TRIM71: variants seen among roughly 807,000 people sequenced by gnomAD.
TRIM71 encodes the protein tripartite motif containing 71.
TRIM71 carries 9 observed loss-of-function variants against 61.2 expected under a neutral mutation model. The ratio of observed to expected loss-of-function variants is 0.15; its 90% CI spans 0.09 to 0.26. TRIM71 has a LOEUF of 0.26. TRIM71 is among the 10% of genes least tolerant of loss of function. The pLI is 1.00. For missense variants in TRIM71, 998 were observed against 1,238.7 expected (o/e 0.81, Z 2.92); for synonymous variants, 645 against 553.2 (o/e 1.17, Z -2.33).
At chr3:32,869,912 G>A (rs114106111) in intron 1 of TRIM71, among the ~76,000 whole-genome samples, 3,816 of 152,298 alleles carry the variant, frequency 0.025, 174 homozygotes, top group African/African-American at 0.086. Flanking sequence ...TGCCCGGGAA[G>A]CCCCAAACAG....
chr3:32,851,821 G>C (rs1312951648), intron 1 of TRIM71, among the ~76,000 whole-genome samples: 2 of 152,204 alleles, frequency 1.3e-5, no homozygotes, highest in Non-Finnish European at 2.9e-5. Context: ...TCTACTGTGT[G>C]ACATTAATCT....
chr3:32,842,236 T>C (rs906911516), intron 1 of TRIM71, among the ~76,000 whole-genome samples: 12 of 152,210 alleles, frequency 7.9e-5, no homozygotes, highest in African/African-American at 2.9e-4. Context: ...GGCATAATTA[T>C]TTATTGTTGG....
intron 1 of TRIM71, 74 bp downstream of exon 1, chr3:32,819,006 C>T: frequency 3.9e-6 from 6 of 1,533,802 alleles, no homozygotes; most frequent in Non-Finnish European, 4.4e-6. Flanking sequence ...CCCGGCCGGT[C>T]CCACAGCGAG....
At chr3:32,844,099 C>G (rs1293237589) in intron 1 of TRIM71, among the ~76,000 whole-genome samples, 1 of 152,136 alleles carries the variant, frequency 6.6e-6, no homozygotes, top group Non-Finnish European at 1.5e-5. Context: ...TTTCTCGCGT[C>G]GTCGTTATTT....
At chr3:32,823,639 T>C (rs1468060370) in intron 1 of TRIM71, among the ~76,000 whole-genome samples, 2 of 147,730 alleles carry the variant, frequency 1.4e-5, no homozygotes, top group Non-Finnish European at 3.0e-5. Context: ...TTGACATTGT[T>C]TTCAAAGTGA....
chr3:32,860,180 T>C (rs1696651600), intron 1 of TRIM71, among the ~76,000 whole-genome samples: 1 of 139,694 alleles, frequency 7.2e-6, no homozygotes, highest in Non-Finnish European at 1.6e-5. Context: ...CCCTCTCTGA[T>C]GGAATTTCAC....
intron 2 of TRIM71, 63 bp from the exon 3 acceptor site, chr3:32,885,871 T>G: frequency 6.4e-7 from 1 of 1,555,358 alleles, no homozygotes; most frequent in Admixed American, 1.9e-5. Context: ...CAGATTCAAA[T>G]GTTTTGTATA....
At chr3:32,879,807 T>C (rs1575358397) in intron 2 of TRIM71, among the ~76,000 whole-genome samples, 1 of 151,792 alleles carries the variant, frequency 6.6e-6, no homozygotes, top group Non-Finnish European at 1.5e-5. Context: ...ATCTTGTCTC[T>C]ACAAAAAATG....
chr3:32,854,004 CAA>C (rs571008559), intron 1 of TRIM71, among the ~76,000 whole-genome samples: 7 of 134,094 alleles, frequency 5.2e-5, no homozygotes, highest in African/African-American at 8.2e-5. Flanking sequence ...ACTCCCATCT[CAA>C]AAAAAAAAAA....
chr3:32,886,628 AAGG>A (rs1307904163), intron 3 of TRIM71, among the ~76,000 whole-genome samples: 12 of 152,208 alleles, frequency 7.9e-5, no homozygotes, highest in Admixed American at 6.5e-4. Flanking sequence ...CCCACTCAGA[AAGG>A]AGGAGAGTTA....
chr3:32,823,908 C>T (rs1459177773), intron 1 of TRIM71, among the ~76,000 whole-genome samples: 2 of 152,060 alleles, frequency 1.3e-5, no homozygotes, highest in Admixed American at 6.5e-5. Context: ...CCTGTCTCTA[C>T]TAAAAATACA....
Position 32,818,174 on chromosome 3 carries a change from T to A in TRIM71, c.94T>A (p.Ser32Thr). 5 of 1,601,216 alleles carry A rather than the reference T, an allele frequency of 3.1e-6. No homozygotes were observed. The highest frequency in any genetic ancestry group is 4.3e-6 in the Non-Finnish European group (5 of 1,174,840). The change falls in exon 1 of 4, where the codon TCG (serine) becomes ACG (threonine). Residue 32 changes from serine to threonine, a missense_variant. Physicochemically the swap from Ser to Thr is moderately conservative, Grantham distance 58. This residue lies in a region of TRIM71 where 527 missense variants were observed against 427.8 expected (regional missense o/e 1.23). Coordinates refer to ENST00000383763, the MANE Select transcript of TRIM71 (RefSeq NM_001039111.3). ...PAPLSSNSSA[S>T]SSSSQTSTSS... Reference sequence around the variant, plus strand: ...GCCGCTCTCCTCCAACTCGTCCGCGTCGTCGTCCTCCTCGCAGACGTCCAC... The same window carrying A: ...GCCGCTCTCCTCCAACTCGTCCGCGACGTCGTCCTCCTCGCAGACGTCCAC...
intron 1 of TRIM71, among the ~76,000 whole-genome samples, chr3:32,868,688 T>A (rs1320341967): frequency 3.9e-3 from 574 of 148,994 alleles, no homozygotes; most frequent in Middle Eastern, 0.014. Context: ...ACATTAGGGT[T>A]TTTTTTTTTT....
rs368564609 is a variant in TRIM71 at position 32,893,499 on chromosome 3, TAAG to T, written c.*1691_*1693del. On this transcript the variant is annotated 3_prime_UTR_variant, in exon 4 of 4. Transcript: ENST00000383763. Reference sequence around the variant, plus strand: ...TCCTGCAATGCCCCAAATACTGAAATAAGAACCAAATTCTGGAGGAGCCCTCCT... The same window carrying T: ...TCCTGCAATGCCCCAAATACTGAAATAACCAAATTCTGGAGGAGCCCTCCT... 53 of 152,188 alleles carry T rather than the reference TAAG, an allele frequency of 3.5e-4. No homozygotes were observed. Among genetic ancestry groups the T allele is most frequent in the African/African-American group, 1.3e-3 (52 of 41,512 alleles). The allele number at this position is 152,188 out of a possible 1,614,324, so 9.4% of individuals were successfully genotyped here.
At position 32,840,948 on chromosome 3, in the gene TRIM71, C is replaced by T. The variant is rs1048697844; in HGVS notation, c.852+22016C>T. Among the ~76,000 whole-genome samples, 11 of 152,268 alleles carry T rather than the reference C, an allele frequency of 7.2e-5. No individual in the cohort carries two copies. In the South Asian group the frequency reaches 1.0e-3, roughly 14 times the overall value. On this transcript the variant is annotated intron_variant, in intron 1 of 3. Transcript: ENST00000383763. ...CACAAACTAAAGATTCTATCCCTTC[C>T]TCATTTAAAAAAGCCTGGCTGGGCG...
chr3:32,854,285 C>T (rs577890816), intron 1 of TRIM71, among the ~76,000 whole-genome samples: 3 of 152,336 alleles, frequency 2.0e-5, no homozygotes, highest in African/African-American at 4.8e-5. Flanking sequence ...TAAGCCACTG[C>T]GTGCCTGGCC....
chr3:32,889,464 T>G (rs1005115313), intron 3 of TRIM71, among the ~76,000 whole-genome samples: 2 of 150,976 alleles, frequency 1.3e-5, no homozygotes, highest in African/African-American at 4.9e-5. Flanking sequence ...TTTTTAACTT[T>G]TATTTTTTTT....
chr3:32,831,536 C>CTTTTTTTTTTT (rs71068093), intron 1 of TRIM71, among the ~76,000 whole-genome samples: 1 of 96,700 alleles, frequency 1.0e-5, no homozygotes, highest in Non-Finnish European at 2.1e-5. Context: ...GCTTATCTTC[C>CTTTTTTTTTTT]TTTTTTTTTT....
In TRIM71 at chr3:32,890,803, C is replaced by T. The variant is rs187595665; in HGVS notation, c.1599C>T (p.Gly533=). ...CGGCTGTGGTCCTGGGCCCTGATGG[C>T]AACCTGTTTGGTGCAGAGGTGAGTG... is the stretch of plus-strand genomic sequence containing the variant. ...LMSAVVLGPD[G]NLFGAEVSDQ... is the part of the protein sequence containing the mutation. The change falls in exon 4 of 4, where the codon GGC becomes GGT. Residue 533 remains glycine, a synonymous_variant. Coordinates refer to ENST00000383763, the MANE Select transcript of TRIM71 (RefSeq NM_001039111.3). The surrounding 1 kb of genome is among the most constrained non-coding windows in gnomAD (Gnocchi z 6.2). The T allele has an allele frequency of 6.2e-7, 1 of 1,614,192 alleles. No homozygotes were observed. Among genetic ancestry groups the T allele is most frequent in the African/African-American group, 1.3e-5 (1 of 75,054 alleles).
Sources: gnomAD v4.1 joint callset for allele counts (sites outside exome capture counted in the v4.1 genomes callset) on GRCh38, gnomAD v4.1.1 for gene constraint, gnomAD v4.1.1 regional missense constraint, Gnocchi (gnomAD v3.1) non-coding constraint, MANE v1.5 for transcripts, NCBI Gene and HGNC (gene_info 2026-07-23, HGNC 2026-07-21) for gene names.